The following VPS13B variants were observed in gnomAD, a reference collection of about 807,000 sequenced individuals.
VPS13B encodes intermembrane lipid transfer protein VPS13B.
A neutral mutation model predicts 426.4 loss-of-function variants in VPS13B; 285 were observed. The observed-to-expected ratio is 0.67, with a 90% CI of 0.61 to 0.74. The LOEUF (loss-of-function observed/expected upper bound fraction) is 0.74. Among genes scored for constraint, VPS13B ranks in the 30% least tolerant of loss-of-function variants. The pLI, the probability that VPS13B is intolerant of heterozygous loss-of-function variation, is 0.00. For missense variants in VPS13B, 4,537 were observed against 4,782.6 expected (o/e 0.95, Z 1.51); for synonymous variants, 1,676 against 1,676.4 (o/e 1.00, Z 0.01).
chr8:99,573,661 C>G (rs1440065807), intron 31 of VPS13B, among the ~76,000 whole-genome samples: 4 of 152,082 alleles, frequency 2.6e-5, no homozygotes, highest in Admixed American at 1.3e-4. Context: ...TGGTCTATAT[C>G]TCTGTTTTGG....
chr8:99,571,132 C>T (rs1825452706), intron 31 of VPS13B, among the ~76,000 whole-genome samples: 1 of 152,164 alleles, frequency 6.6e-6, no homozygotes. Flanking sequence ...ACCTGTTAAA[C>T]TCTGTTCCCT....
At chr8:99,587,818 T>C (rs573486188) in intron 33 of VPS13B, among the ~76,000 whole-genome samples, 29 of 151,832 alleles carry the variant, frequency 1.9e-4, no homozygotes, top group Non-Finnish European at 2.5e-4. Flanking sequence ...AGAAGCCCTT[T>C]AGTTTAATTA....
intron 31 of VPS13B, among the ~76,000 whole-genome samples, chr8:99,562,359 T>C (rs1409559441): frequency 1.3e-5 from 2 of 151,412 alleles, no homozygotes; most frequent in African/African-American, 4.8e-5. Context: ...CAGCCCACTG[T>C]AACCTCTGCC....
At position 99,793,286 on chromosome 8, in the gene VPS13B, A is replaced by T. The variant is rs868678291; in HGVS notation, c.7941+8810A>T. Among the ~76,000 whole-genome samples the T allele has an allele frequency of 7.9e-4, 91 of 114,988 alleles. 2 individuals carry two copies. The South Asian group carries it at 0.022, about 28-fold the overall frequency. The allele number at this position is 114,988 out of a possible 152,430, so 75.4% of individuals were successfully genotyped here. On this transcript the variant is annotated intron_variant, in intron 43 of 61. Transcript: ENST00000357162. ...ATATATATATATATATATATATATA[A>T]AATACATGATGGAAGAAAAAAGTAA...
chr8:99,351,431 A>AGTGTGTGTGTGTGTGTGTGTGTGTGT (rs1476078907), intron 19 of VPS13B, among the ~76,000 whole-genome samples: 3 of 147,520 alleles, frequency 2.0e-5, no homozygotes, highest in African/African-American at 7.6e-5. Context: ...AGAGAGAGAG[A>AGTGTGTGTGTGTGTGTGTGTGTGTGT]GAGAGTGTGT....
At chr8:99,453,301 A>T (rs1433821214) in intron 23 of VPS13B, among the ~76,000 whole-genome samples, 1 of 152,158 alleles carries the variant, frequency 6.6e-6, no homozygotes, top group African/African-American at 2.4e-5. Context: ...TTCCAGTTTC[A>T]CTTAGTGTGT....
intron 16 of VPS13B, among the ~76,000 whole-genome samples, chr8:99,184,005 G>A (rs533918973): frequency 1.3e-5 from 2 of 152,254 alleles, no homozygotes; most frequent in African/African-American, 4.8e-5. Context: ...TCTATAATAT[G>A]TTGTGGTCTT....
chr8:99,766,082 TTTTTTTTTTTTG>T (rs1811208008), intron 39 of VPS13B, among the ~76,000 whole-genome samples: 1 of 138,400 alleles, frequency 7.2e-6, no homozygotes, highest in Admixed American at 7.2e-5. Flanking sequence ...TTTTTTTTTT[TTTTTTTTTTTTG>T]AGGCAGATTC....
chr8:99,636,603 A>G (rs952134749), intron 33 of VPS13B, among the ~76,000 whole-genome samples: 3 of 152,024 alleles, frequency 2.0e-5, no homozygotes, highest in Admixed American at 6.6e-5. Flanking sequence ...TGGAAAGTAC[A>G]GGGATTTTGG....
chr8:99,812,839 ATTC>A (rs1329029546), intron 44 of VPS13B, among the ~76,000 whole-genome samples: 11 of 152,266 alleles, frequency 7.2e-5, no homozygotes, highest in Admixed American at 3.9e-4. Flanking sequence ...CAATATCACT[ATTC>A]TTCTTGGCAC....
At chr8:99,664,571 G>A (rs1443499505) in intron 35 of VPS13B, among the ~76,000 whole-genome samples, 1 of 151,874 alleles carries the variant, frequency 6.6e-6, no homozygotes, top group African/African-American at 2.4e-5. Context: ...TGCGGTGTTT[G>A]GGTTTTTCTC....
intron 19 of VPS13B, among the ~76,000 whole-genome samples, chr8:99,351,638 G>A (rs891977450): frequency 7.9e-5 from 12 of 151,946 alleles, no homozygotes; most frequent in Admixed American, 5.2e-4. Context: ...TTTGCATAGC[G>A]TTTCATTTAT....
At chr8:99,696,386 C>T in intron 35 of VPS13B, 1 of 317,782 alleles carries the variant, frequency 3.1e-6, no homozygotes, top group South Asian at 3.0e-5. Context: ...TGGATCCATG[C>T]CAAGATCGTG....
At chr8:99,514,328 T>C (rs1163058991) in intron 29 of VPS13B, among the ~76,000 whole-genome samples, 1 of 152,212 alleles carries the variant, frequency 6.6e-6, no homozygotes, top group Admixed American at 6.5e-5. Flanking sequence ...ACTTTAATCA[T>C]TTTAAGTATA....
chr8:99,035,164 CAG>C (rs1184710043), intron 2 of VPS13B, among the ~76,000 whole-genome samples: 2 of 152,158 alleles, frequency 1.3e-5, no homozygotes, highest in African/African-American at 2.4e-5. Flanking sequence ...GCCTGGGTGA[CAG>C]AGTTAGACCT....
In VPS13B at chr8:99,013,830, G is replaced by A; in HGVS notation, c.42G>A (p.Val14=). The change falls in exon 2 of 62, where the codon GTG becomes GTA. Residue 14 remains valine, a synonymous_variant. Coordinates refer to ENST00000357162, the MANE Select transcript of VPS13B (RefSeq NM_152564.5). ...TAACTCCAATTTTAATGAGCTATGT[G>A]AATCGCTACATCAAGAACTTAAAGC... is the stretch of plus-strand genomic sequence containing the variant. The part of the protein sequence containing the change: ...SYVTPILMSY[V]NRYIKNLKPS... The A allele has an allele frequency of 6.2e-7, 1 of 1,614,182 alleles. No homozygotes were observed. Among genetic ancestry groups the A allele is most frequent in the Non-Finnish European group, 8.5e-7 (1 of 1,180,030 alleles).
At chr8:99,743,230 A>C (rs1809858275) in intron 39 of VPS13B, among the ~76,000 whole-genome samples, 1 of 152,198 alleles carries the variant, frequency 6.6e-6, no homozygotes, top group Non-Finnish European at 1.5e-5. Context: ...CAATTGCTTC[A>C]AAGAGAATAA....
intron 23 of VPS13B, 88 bp from the exon 24 acceptor site, chr8:99,467,326 G>A: frequency 1.5e-6 from 2 of 1,327,884 alleles, no homozygotes; most frequent in South Asian, 1.2e-5. Context: ...AGTCATAAAT[G>A]TTAAATGTTT....
Position 99,854,137 on chromosome 8 carries a change from C to T in VPS13B, c.10748C>T (p.Ala3583Val), listed in dbSNP as rs780539318. The change falls in exon 56 of 62, where the codon GCC becomes GTC. Residue 3583 changes from alanine to valine, a missense_variant. By Grantham distance (64) the Ala-to-Val change is moderately conservative. Coordinates refer to ENST00000357162, the MANE Select transcript of VPS13B (RefSeq NM_152564.5). ...SIHASLKLYIASDHTPLSFSV... is the reference protein window; with the variant it reads ...SIHASLKLYIVSDHTPLSFSV... ...CACGCTTCCCTCAAGCTGTACATAG[C>T]CTCAGACCACACTCCTCTCTCCTTC... 3.1e-6 allele frequency: 5 copies of T among 1,613,756 alleles called. No homozygotes were observed. Among genetic ancestry groups the T allele is most frequent in the East Asian group, 2.2e-5 (1 of 44,848 alleles).
Sources: allele counts gnomAD v4.1 joint callset (sites outside exome capture counted in the v4.1 genomes callset), GRCh38; gene constraint gnomAD v4.1.1; transcripts MANE v1.5; gene names NCBI Gene and HGNC (gene_info 2026-07-23, HGNC 2026-07-21).